The following LRP1B variants were observed in gnomAD, a reference collection of about 807,000 sequenced individuals.
LRP1B encodes low-density lipoprotein receptor-related protein 1B.
A neutral mutation model predicts 556.6 loss-of-function variants in LRP1B; 217 were observed. The observed-to-expected ratio is 0.39, with a 90% CI of 0.35 to 0.44. The LOEUF (loss-of-function observed/expected upper bound fraction) is 0.44, where lower values mean the gene tolerates loss of function less well. Among genes scored for constraint, LRP1B ranks in the 20% least tolerant of loss-of-function variants. LRP1B has a pLI of 1.00. For missense variants in LRP1B, 5,053 were observed against 5,620.8 expected, an observed-to-expected ratio of 0.90 and a Z score of 3.23; for synonymous variants, 2,047 against 1,865.8, an observed-to-expected ratio of 1.10 and a Z score of -2.50.
At chr2:140,234,996 C>T (rs548134597) in intron 89 of LRP1B, 112 bp from the exon 90 acceptor site, 23 of 552,072 alleles carry the variant, frequency 4.2e-5, no homozygotes, top group Admixed American at 2.6e-4. Flanking sequence ...TTTAGCCTTA[C>T]ACCATTTACA....
At chr2:141,691,976 T>C (rs1254867558) in intron 2 of LRP1B, among the ~76,000 whole-genome samples, 2 of 151,996 alleles carry the variant, frequency 1.3e-5, no homozygotes, top group Non-Finnish European at 2.9e-5. Flanking sequence ...GAATATCCTT[T>C]CTTTTTTCCA....
At position 140,637,016 on chromosome 2, in the gene LRP1B, G is replaced by T. The variant is rs151161232; in HGVS notation, c.6800-35377C>A. ...AAATAAACTTTGAATCTGTCCCGGT[G>T]AGAGTTTATTTTATTAATGGCTTTG... On this transcript the variant is annotated intron_variant, in intron 41 of 90. Transcript: ENST00000389484. Among the ~76,000 whole-genome samples the T allele has an allele frequency of 1.4e-4, 22 of 152,292 alleles. No individual in the cohort carries two copies. The East Asian group carries it at 3.5e-3, about 24-fold the overall frequency.
intron 41 of LRP1B, among the ~76,000 whole-genome samples, chr2:140,620,709 T>C (rs1012461379): frequency 6.6e-6 from 1 of 152,184 alleles, no homozygotes; most frequent in Middle Eastern, 3.5e-3. Context: ...AAGAAGAATA[T>C]CTTAAATTAT....
chr2:140,702,769 A>C (rs151053827), intron 37 of LRP1B, among the ~76,000 whole-genome samples: 40 of 152,206 alleles, frequency 2.6e-4, no homozygotes, highest in Middle Eastern at 3.4e-3. Context: ...GGATGCACTC[A>C]ACATCCTACC....
chr2:141,766,907 T>G (rs1223291518), intron 2 of LRP1B, among the ~76,000 whole-genome samples: 1 of 152,180 alleles, frequency 6.6e-6, no homozygotes, highest in Non-Finnish European at 1.5e-5. Context: ...CCCAATTGTT[T>G]GAACCTCATA....
intron 7 of LRP1B, among the ~76,000 whole-genome samples, chr2:141,121,231 G>A (rs746899190): frequency 3.3e-5 from 5 of 151,916 alleles, no homozygotes; most frequent in Non-Finnish European, 7.4e-5. Flanking sequence ...GTTAAACTCC[G>A]CCTGTTTAGA....
chr2:141,658,574 G>C (rs1318861033), intron 2 of LRP1B, among the ~76,000 whole-genome samples: 1 of 152,184 alleles, frequency 6.6e-6, no homozygotes, highest in African/African-American at 2.4e-5. Context: ...CATCTTACCT[G>C]TCGGGTGAAT....
intron 3 of LRP1B, among the ~76,000 whole-genome samples, chr2:141,301,254 G>A (rs1320443367): frequency 2.6e-5 from 4 of 151,964 alleles, no homozygotes; most frequent in Admixed American, 1.3e-4. Flanking sequence ...ATGAGTATTC[G>A]GGACATTGGG....
intron 7 of LRP1B, among the ~76,000 whole-genome samples, chr2:141,132,931 A>G (rs1701395526): frequency 6.6e-6 from 1 of 152,022 alleles, no homozygotes; most frequent in South Asian, 2.1e-4. Context: ...TCTCTTGCAC[A>G]ATCAAAAATG....
intron 86 of LRP1B, among the ~76,000 whole-genome samples, chr2:140,252,742 C>T (rs932764106): frequency 1.3e-5 from 2 of 151,974 alleles, no homozygotes; most frequent in African/African-American, 2.4e-5. Flanking sequence ...TCAGCTGTGC[C>T]CAATAATCTG....
At chr2:140,584,908 A>T (rs1681922993) in intron 43 of LRP1B, among the ~76,000 whole-genome samples, 1 of 151,362 alleles carries the variant, frequency 6.6e-6, no homozygotes, top group Admixed American at 6.6e-5. Flanking sequence ...TGTTTTTTTC[A>T]TTTTATTCAG....
At position 141,185,839 on chromosome 2, in the gene LRP1B, G is replaced by A. The variant is rs1213108864; in HGVS notation, c.1013+2582C>T. ...CACACCTGTAATCCCAGTACTTTGG[G>A]AGGCCGAGGTGGGAGGATCACAAGA... On this transcript the variant is annotated intron_variant, in intron 7 of 90. Transcript: ENST00000389484. Among the ~76,000 whole-genome samples the A allele has an allele frequency of 2.6e-5, 4 of 152,024 alleles. No homozygotes were observed. In the East Asian group the frequency reaches 7.8e-4, roughly 30 times the overall value.
chr2:141,995,461 G>C (rs568331321), intron 1 of LRP1B, among the ~76,000 whole-genome samples: 285 of 151,804 alleles, frequency 1.9e-3, no homozygotes, highest in Non-Finnish European at 2.8e-3. Context: ...GATTACATTG[G>C]GCCCACCTGG....
rs1011654574 is a variant in LRP1B, at chr2:141,120,397, G to A, written c.1014-58124C>T. ...TTTTAAAATTATTTTTTATGCCTGG[G>A]TTTACTCCTCTCTAAAATGGGTATC... On this transcript the variant is annotated intron_variant, in intron 7 of 90. Transcript: ENST00000389484. Among the ~76,000 whole-genome samples the A allele has an allele frequency of 4.0e-5, 6 of 151,796 alleles. No individual in the cohort carries two copies. In the East Asian group the frequency reaches 1.2e-3, roughly 29 times the overall value.
intron 3 of LRP1B, among the ~76,000 whole-genome samples, chr2:141,417,602 T>A (rs1446545561): frequency 6.6e-6 from 1 of 152,188 alleles, no homozygotes; most frequent in African/African-American, 2.4e-5. Flanking sequence ...AAACCACATT[T>A]TCTTTCTATG....
At chr2:140,409,539 C>T (rs901004227) in intron 66 of LRP1B, among the ~76,000 whole-genome samples, 2 of 151,872 alleles carry the variant, frequency 1.3e-5, no homozygotes, top group East Asian at 1.9e-4. Context: ...TAAAGAGATT[C>T]ATAATTAAAT....
intron 84 of LRP1B, among the ~76,000 whole-genome samples, chr2:140,290,237 T>G (rs1306434842): frequency 6.6e-6 from 1 of 151,878 alleles, no homozygotes; most frequent in African/African-American, 2.4e-5. Flanking sequence ...AGTAGGGGGA[T>G]TAAAGAGGTT....
chr2:140,994,234 C>A, intron 15 of LRP1B, 99 bp from the exon 16 acceptor site: 1 of 990,540 alleles, frequency 1.0e-6, no homozygotes, highest in Admixed American at 2.1e-5. Context: ...TTAGATTCTA[C>A]ATATCAGTGG....
intron 31 of LRP1B, among the ~76,000 whole-genome samples, chr2:140,839,646 C>A (rs182428082): frequency 6.6e-6 from 1 of 152,286 alleles, no homozygotes; most frequent in East Asian, 1.9e-4. Context: ...CTGAAGACTG[C>A]GCTGTCGGCT....
Sources: allele counts gnomAD v4.1 joint callset (sites outside exome capture counted in the v4.1 genomes callset), GRCh38; gene constraint gnomAD v4.1.1; transcripts MANE v1.5; gene names NCBI Gene and HGNC (gene_info 2026-07-23, HGNC 2026-07-21).